ZNF500: variants seen among roughly 807,000 people sequenced by gnomAD.
ZNF500 encodes the protein zinc finger protein 500.
In ZNF500, 31 loss-of-function variants were observed where a neutral mutation model predicts 30.1. The observed-to-expected ratio is 1.03, with a 90% CI of 0.77 to 1.39. The LOEUF (loss-of-function observed/expected upper bound fraction) is 1.39. ZNF500 is among the 40% of genes most tolerant of loss of function. ZNF500 has a pLI of 0.00. For synonymous variants in ZNF500, 392 were observed against 282.0 expected, an observed-to-expected ratio of 1.39 and a Z score of -3.91; for missense variants, 817 against 657.8, an observed-to-expected ratio of 1.24 and a Z score of -2.65.
At chr16:4,761,666 C>T (rs116065240) in intron 4 of ZNF500, among the ~76,000 whole-genome samples, 2 of 150,256 alleles carry the variant, frequency 1.3e-5, no homozygotes, top group Non-Finnish European at 3.0e-5. Flanking sequence ...GGCAGCACAG[C>T]GAGACTGTGT....
chr16:4,747,513 A>C (rs772768039), downstream of ZNF500: 2 of 1,613,276 alleles, frequency 1.2e-6, no homozygotes, highest in Admixed American at 1.7e-5. Flanking sequence ...CTCTGTGCCA[A>C]GGGGCAGAGC....
chr16:4,765,368 T>C (rs916313336), intron 2 of ZNF500, among the ~76,000 whole-genome samples, 197 bp downstream of exon 2: 5 of 152,036 alleles, frequency 3.3e-5, no homozygotes, highest in African/African-American at 9.7e-5. Flanking sequence ...TAAAGGGCTA[T>C]TGGGGTAGGA....
intron 4 of ZNF500, among the ~76,000 whole-genome samples, chr16:4,761,069 T>C (rs1267876346): frequency 6.6e-6 from 1 of 151,828 alleles, no homozygotes. Flanking sequence ...AGGAGCTTTG[T>C]GGTTGCCAGA....
intron 5 of ZNF500, among the ~76,000 whole-genome samples, chr16:4,756,163 C>T (rs983841379): frequency 9.9e-5 from 15 of 152,166 alleles, no homozygotes; most frequent in Non-Finnish European, 7.3e-5. Context: ...TCTGAAATGC[C>T]GATGCGGGCT....
chr16:4,749,344 CCTCA>C lies in ZNF500; in HGVS notation c.*3028_*3031del, dbSNP rs1380303298. On this transcript the variant is annotated 3_prime_UTR_variant, in exon 6 of 6. Transcript: ENST00000219478. ...TCTCCCACCTTTTTAATGCCAGTAA[CCTCA>C]CTGAGAATGTTTTACAGTGATGGAA... The C allele has an allele frequency of 6.5e-6, 1 of 154,450 alleles. No homozygotes were observed. Among genetic ancestry groups the C allele is most frequent in the African/African-American group, 2.4e-5 (1 of 41,538 alleles). 9.6% of individuals were successfully genotyped at this position (154,450 alleles called of 1,614,324 possible). A position where few individuals can be genotyped will look rare whatever the true frequency, so the allele number is the denominator to read the frequency against.
At chr16:4,746,278 G>C (rs2082016478), downstream of ZNF500, 1 of 1,328,958 alleles carries the variant, frequency 7.5e-7, no homozygotes, top group African/African-American at 1.5e-5. Flanking sequence ...GCACTCACTG[G>C]GTGGCAGCCA....
rs139128774 is a variant in ZNF500, at chr16:4,752,979, C to G, written c.840G>C (p.Ser280=). ...PLRMEWYRVL[S]ARCQGPGHPL... The stretch of plus-strand genomic sequence containing the variant: ...GGTGGCCAGGCCCCTGGCATCGTGC[C>G]GAGAGCACTCGGTACCACTCCATTC... The change falls in exon 6 of 6, where the codon TCG becomes TCC. Residue 280 remains serine, a synonymous_variant. Transcript: ENST00000219478. The G allele has an allele frequency of 6.3e-5, 101 of 1,603,612 alleles. 1 individual carries two copies. In the African/African-American group the frequency reaches 1.2e-3, roughly 19 times the overall value.
intron 2 of ZNF500, among the ~76,000 whole-genome samples, chr16:4,764,472 T>C (rs1207389285): frequency 2.0e-5 from 3 of 149,602 alleles, no homozygotes; most frequent in Non-Finnish European, 4.4e-5. Context: ...AGAGACTCTG[T>C]CTCACAAAAA....
intron 5 of ZNF500, among the ~76,000 whole-genome samples, chr16:4,759,589 C>T (rs2082175197): frequency 3.9e-5 from 6 of 152,318 alleles, no homozygotes; most frequent in African/African-American, 1.4e-4. Context: ...GCCTGGCCTG[C>T]AGATTTCAGA....
downstream of ZNF500, chr16:4,745,118 TCA>T: frequency 7.3e-7 from 1 of 1,376,182 alleles, no homozygotes. Context: ...GTGCATTTTC[TCA>T]GTCACTCTCA....
Position 4,766,064 on chromosome 16 carries a change from T to G in ZNF500, c.-86A>C. The G allele has an allele frequency of 6.9e-7, 1 of 1,447,594 alleles. No homozygotes were observed. The allele number at this position is 1,447,594 out of a possible 1,614,324, so 89.7% of individuals were successfully genotyped here. A position where few individuals can be genotyped will look rare whatever the true frequency, so the allele number is the denominator to read the frequency against. ...CTCTGGCCAGACACAGGAAGAGAGT[T>G]TTTTTCAGGGCCCTGTGGAGAGACG... On this transcript the variant is annotated 5_prime_UTR_variant, in exon 2 of 6. Transcript: ENST00000219478.
intron 5 of ZNF500, 52 bp downstream of exon 5, chr16:4,760,440 C>T (rs779708163): frequency 1.0e-5 from 16 of 1,558,704 alleles, no homozygotes; most frequent in Non-Finnish European, 1.4e-5. Flanking sequence ...TGGTGCCTGA[C>T]AGTTCCTATT....
At chr16:4,757,823 C>A (rs938442289) in intron 5 of ZNF500, among the ~76,000 whole-genome samples, 3 of 150,144 alleles carry the variant, frequency 2.0e-5, no homozygotes, top group African/African-American at 7.4e-5. Context: ...AGGATGGACT[C>A]GATCTCCTGA....
intron 5 of ZNF500, among the ~76,000 whole-genome samples, chr16:4,754,232 T>C (rs992147748): frequency 6.6e-6 from 1 of 152,146 alleles, no homozygotes; most frequent in African/African-American, 2.4e-5. Flanking sequence ...CTTGGAAATG[T>C]CCACTTTAAG....
At chr16:4,754,681 A>T (rs1207124389) in intron 5 of ZNF500, among the ~76,000 whole-genome samples, 2 of 151,842 alleles carry the variant, frequency 1.3e-5, no homozygotes, top group Non-Finnish European at 1.5e-5. Flanking sequence ...TAAAAAAAAA[A>T]AAAATAGAAA....
downstream of ZNF500, chr16:4,746,809 T>C: frequency 1.0e-6 from 1 of 966,122 alleles, no homozygotes; most frequent in Non-Finnish European, 1.5e-6. Context: ...CGGCCTCCAG[T>C]GTGGCTGCTG....
Position 4,749,282 on chromosome 16 carries a change from A to G in ZNF500, c.*3094T>C, listed in dbSNP as rs930762960. 2 of 154,450 alleles carry G rather than the reference A, an allele frequency of 1.3e-5. No homozygotes were observed. Among genetic ancestry groups the G allele is most frequent in the African/African-American group, 4.8e-5 (2 of 41,530 alleles). The allele number at this position is 154,450 out of a possible 1,614,324, so 9.6% of individuals were successfully genotyped here. ...TGTGGCTGCCTAGCTGTCAAGAGCA[A>G]AGGCTTTTTTTTTCTTCAACCCCAT... On this transcript the variant is annotated 3_prime_UTR_variant, in exon 6 of 6. Coordinates refer to ENST00000219478, the MANE Select transcript of ZNF500 (RefSeq NM_021646.4).
Position 4,752,582 on chromosome 16 carries a change from G to T in ZNF500, c.1237C>A (p.Gln413Lys). Residue 413 changes from glutamine (Q) to lysine (K), a missense_variant, in exon 6 of 6, where the codon CAG (glutamine) becomes AAG (lysine). By Grantham distance (53) the Gln-to-Lys change is moderately conservative (BLOSUM62 1). Coordinates refer to ENST00000219478, the MANE Select transcript of ZNF500 (RefSeq NM_021646.4). Reference protein sequence around the residue: ...HSGERPYACTQCGKRFNNSSH... With the variant: ...HSGERPYACTKCGKRFNNSSH... ...CTGTTGTTGAAGCGCTTCCCGCACTGGGTGCAGGCATAGGGCCGCTCCCCG... is the reference window on the plus strand; with the variant it reads ...CTGTTGTTGAAGCGCTTCCCGCACTTGGTGCAGGCATAGGGCCGCTCCCCG... 1 of 1,585,952 alleles carries T rather than the reference G, an allele frequency of 6.3e-7. No individual in the cohort carries two copies. Among genetic ancestry groups the T allele is most frequent in the East Asian group, 2.3e-5 (1 of 43,318 alleles).
In ZNF500 at chr16:4,762,262, C is replaced by A; in HGVS notation, c.663+9G>T. 1 of 1,610,698 alleles carries A rather than the reference C, an allele frequency of 6.2e-7. No individual in the cohort carries two copies. The highest frequency in any genetic ancestry group is 8.5e-7 in the Non-Finnish European group (1 of 1,178,576). On this transcript the variant is annotated intron_variant, in intron 4 of 5. Coordinates refer to ENST00000219478, the MANE Select transcript of ZNF500 (RefSeq NM_021646.4). The stretch of plus-strand genomic sequence containing the variant: ...CCAGGATGCTGCAGACCAGGAGCAT[C>A]CCACTCACCTGGGACCAGGCCGAAA...
Sources: gnomAD v4.1 joint callset for allele counts (sites outside exome capture counted in the v4.1 genomes callset) on GRCh38, gnomAD v4.1.1 for gene constraint, MANE v1.5 for transcripts, NCBI Gene and HGNC (gene_info 2026-07-23, HGNC 2026-07-21) for gene names.